The following BAZ1A variants were observed in gnomAD, a reference collection of about 807,000 sequenced individuals.
BAZ1A encodes the protein bromodomain adjacent to zinc finger domain 1A, also known as bromodomain adjacent to zinc finger domain protein 1A.
A neutral mutation model predicts 185.2 loss-of-function variants in BAZ1A; 50 were observed. The ratio of observed to expected loss-of-function variants is 0.27; its 90% CI spans 0.22 to 0.34. The LOEUF is 0.34. BAZ1A is among the 10% of genes least tolerant of loss of function. The pLI, the probability that BAZ1A is intolerant of heterozygous loss-of-function variation, is 1.00. For synonymous variants in BAZ1A, 571 were observed against 615.6 expected, an observed-to-expected ratio of 0.93 and a Z score of 1.07; for missense variants, 1,356 against 1,839.9, an observed-to-expected ratio of 0.74 and a Z score of 4.81.
intron 21 of BAZ1A, among the ~76,000 whole-genome samples, chr14:34,769,729 C>T (rs1266145959): frequency 2.6e-5 from 4 of 152,162 alleles, no homozygotes; most frequent in Admixed American, 6.6e-5. Context: ...CAGTATCTTA[C>T]ATTTATAAAA....
rs1215309869 is a variant in BAZ1A, at chr14:34,854,378, C to T, written c.392+7666G>A. 1.3e-5 allele frequency among the ~76,000 whole-genome samples: 2 copies of T among 151,644 alleles called. 1 individual carries two copies. The highest frequency in any genetic ancestry group is 3.9e-4 in the East Asian group (2 of 5,148). On this transcript the variant is annotated intron_variant, in intron 3 of 26. Transcript: ENST00000360310. ...CAGAATCTGCAGTGAGCCGAGGTCA[C>T]GCTACTGCACTCCAGCCTGGGCGAC...
chr14:34,802,721 T>A, intron 7 of BAZ1A, 133 bp downstream of exon 7: 1 of 908,238 alleles, frequency 1.1e-6, no homozygotes, highest in South Asian at 1.7e-5. Flanking sequence ...TAGTACACAC[T>A]TACATACTTT....
Position 34,784,678 on chromosome 14 carries a change from T to C in BAZ1A, c.1832-751A>G, listed in dbSNP as rs1296772077. Among the ~76,000 whole-genome samples the C allele has an allele frequency of 5.3e-5, 8 of 149,892 alleles. No individual in the cohort carries two copies. In the East Asian group the frequency reaches 6.2e-4, roughly 12 times the overall value. On this transcript the variant is annotated intron_variant, in intron 14 of 26. Transcript: ENST00000360310. ...GACTACAGGCGCCCGCCACCACGCCTAGCTAATTTTTTTGTATTTTCAGTA... is the reference window on the plus strand; with the variant it reads ...GACTACAGGCGCCCGCCACCACGCCCAGCTAATTTTTTTGTATTTTCAGTA...
chr14:34,766,252 A>G (rs1166778289), intron 21 of BAZ1A, among the ~76,000 whole-genome samples: 2 of 152,232 alleles, frequency 1.3e-5, no homozygotes, highest in Non-Finnish European at 2.9e-5. Context: ...TGCTAATATT[A>G]CTATCGTTAT....
At chr14:34,825,200 T>C (rs1174610106) in intron 4 of BAZ1A, among the ~76,000 whole-genome samples, 2 of 152,144 alleles carry the variant, frequency 1.3e-5, no homozygotes, top group African/African-American at 4.8e-5. Flanking sequence ...ACGCCTGTAA[T>C]CCCAACATTT....
Position 34,810,652 on chromosome 14 carries a change from G to A in BAZ1A, c.638+283C>T, listed in dbSNP as rs184569674. Reference sequence around the variant, plus strand: ...ATTTTTTTTTTTTAATAGAGACAGGGTCTTGCCACGTAGTCCAGGCTGGTC... The same window carrying A: ...ATTTTTTTTTTTTAATAGAGACAGGATCTTGCCACGTAGTCCAGGCTGGTC... On this transcript the variant is annotated intron_variant, in intron 5 of 26. Transcript: ENST00000360310. 9.5e-4 allele frequency among the ~76,000 whole-genome samples: 144 copies of A among 151,916 alleles called. 1 individual carries two copies. Among genetic ancestry groups the A allele is most frequent in the African/African-American group, 3.4e-3 (141 of 41,428 alleles).
intron 6 of BAZ1A, among the ~76,000 whole-genome samples, chr14:34,805,336 C>T (rs899441707): frequency 5.3e-5 from 8 of 152,028 alleles, no homozygotes; most frequent in African/African-American, 1.4e-4. Context: ...ACCTTAATTC[C>T]CATTTATTTA....
In BAZ1A at chr14:34,752,757, G is replaced by A. The variant is rs545391395; in HGVS notation, c.*751C>T. On this transcript the variant is annotated 3_prime_UTR_variant, in exon 27 of 27. Transcript: ENST00000360310. ...TATTTGAAAAAATGTTATTTTATTT[G>A]TACAGTTAAAAAGTTATACATAGAA... 3.3e-5 allele frequency: 5 copies of A among 152,184 alleles called. No homozygotes were observed. The South Asian group carries it at 8.3e-4, about 25-fold the overall frequency. The allele number at this position is 152,184 out of a possible 1,614,324, so 9.4% of individuals were successfully genotyped here.
intron 4 of BAZ1A, among the ~76,000 whole-genome samples, chr14:34,824,139 G>T (rs1276635636): frequency 6.6e-6 from 1 of 151,072 alleles, no homozygotes; most frequent in South Asian, 2.1e-4. Context: ...AAGAGACTGA[G>T]GTGGGAAGCC....
chr14:34,809,929 CATT>C (rs1386697290), intron 5 of BAZ1A, among the ~76,000 whole-genome samples: 1 of 152,068 alleles, frequency 6.6e-6, no homozygotes, highest in Admixed American at 6.5e-5. Context: ...AATAATCAAA[CATT>C]AGTTTTAGAA....
At chr14:34,870,087 ATGGGT>A (rs1298395140) in intron 2 of BAZ1A, among the ~76,000 whole-genome samples, 4 of 152,196 alleles carry the variant, frequency 2.6e-5, no homozygotes, top group African/African-American at 9.6e-5. Context: ...AGCAAATAAA[ATGGGT>A]TGTTATTTTG....
intron 23 of BAZ1A, among the ~76,000 whole-genome samples, chr14:34,763,320 T>C (rs1455045531): frequency 6.6e-6 from 1 of 151,974 alleles, no homozygotes; most frequent in East Asian, 1.9e-4. Context: ...GGTGGCTCTA[T>C]CTCAACTTCT....
rs544694529 is a variant in BAZ1A, at chr14:34,807,229, G to C, written c.726+222C>G. Among the ~76,000 whole-genome samples the C allele has an allele frequency of 1.8e-3, 268 of 151,388 alleles. 1 individual carries two copies. Among genetic ancestry groups the C allele is most frequent in the South Asian group, 1.7e-3 (8 of 4,768 alleles). ...TTTTCTATTTTCACCTGTCCTTGTT[G>C]ATCTTTTTTGTAAGTGGCAGTAACT... On this transcript the variant is annotated intron_variant, in intron 6 of 26. Transcript: ENST00000360310.
At chr14:34,785,632 T>C (rs988926584) in intron 14 of BAZ1A, 145 bp downstream of exon 14, 1 of 647,228 alleles carries the variant, frequency 1.5e-6, no homozygotes, top group Admixed American at 3.0e-5. Flanking sequence ...TAAATAAAGT[T>C]AATATGAATA....
intron 4 of BAZ1A, among the ~76,000 whole-genome samples, chr14:34,817,997 G>T (rs1263746340): frequency 1.3e-5 from 2 of 152,064 alleles, no homozygotes; most frequent in Non-Finnish European, 2.9e-5. Context: ...GCATATACCC[G>T]CATGAATTTC....
chr14:34,856,888 T>G (rs1290432645), intron 3 of BAZ1A, among the ~76,000 whole-genome samples: 1 of 147,444 alleles, frequency 6.8e-6, no homozygotes, highest in Admixed American at 6.8e-5. Flanking sequence ...AAGTCACTTA[T>G]GAGTAACACA....
rs771475923 is a variant in BAZ1A, at chr14:34,862,298, C to T, written c.138G>A (p.Leu46=). The change falls in exon 3 of 27, where the codon CTG becomes CTA. Residue 46 remains leucine, a synonymous_variant. Transcript: ENST00000360310. The part of the protein sequence containing the change: ...HYDDFFERTI[L]CNSLVWSCAV... ...CACAACTCCACACAAGGCTGTTGCA[C>T]AGAATGGTTCGTTCAAAAAAGTCAC... 2 of 1,604,424 alleles carry T rather than the reference C, an allele frequency of 1.2e-6. No homozygotes were observed. Among genetic ancestry groups the T allele is most frequent in the Non-Finnish European group, 1.7e-6 (2 of 1,175,400 alleles).
At chr14:34,759,369 G>C (rs2383674) in intron 24 of BAZ1A, among the ~76,000 whole-genome samples, 1 of 151,766 alleles carries the variant, frequency 6.6e-6, no homozygotes, top group Non-Finnish European at 1.5e-5. Context: ...ATTTTTAGTA[G>C]AGACAGGGTT....
chr14:34,802,333 G>A (rs781249022), intron 7 of BAZ1A, among the ~76,000 whole-genome samples: 2 of 151,916 alleles, frequency 1.3e-5, no homozygotes, highest in African/African-American at 2.4e-5. Flanking sequence ...TCTGCCTCCC[G>A]GGTTTGAGCA....
Sources: allele counts gnomAD v4.1 joint callset (sites outside exome capture counted in the v4.1 genomes callset), GRCh38; gene constraint gnomAD v4.1.1; transcripts MANE v1.5; gene names NCBI Gene and HGNC (gene_info 2026-07-23, HGNC 2026-07-21).